The following SYT16 variants were observed in gnomAD, a reference collection of about 807,000 sequenced individuals.
SYT16 encodes the protein synaptotagmin-16.
In SYT16, 42 loss-of-function variants were observed where a neutral mutation model predicts 61.4. The ratio of observed to expected loss-of-function variants is 0.68; its 90% CI spans 0.53 to 0.89. The LOEUF (loss-of-function observed/expected upper bound fraction) is 0.89. Ranked by LOEUF, SYT16 falls within the 40% of genes least tolerant of loss-of-function variation. SYT16 has a pLI of 0.00. For synonymous variants in SYT16, 314 were observed against 302.3 expected, an observed-to-expected ratio of 1.04 and a Z score of -0.40; for missense variants, 804 against 807.3, an observed-to-expected ratio of 1.00 and a Z score of 0.05.
intron 1 of SYT16, among the ~76,000 whole-genome samples, chr14:61,866,001 A>T (rs1004053192): frequency 3.9e-5 from 6 of 152,216 alleles, no homozygotes; most frequent in African/African-American, 1.4e-4. Flanking sequence ...AATATTTCAG[A>T]TGATAGAATA....
intron 3 of SYT16, among the ~76,000 whole-genome samples, chr14:62,035,916 GC>G (rs2054489127): frequency 6.6e-6 from 1 of 152,116 alleles, no homozygotes; most frequent in African/African-American, 2.4e-5. Context: ...ATTAATTACT[GC>G]CTTCATTCAA....
intron 3 of SYT16, among the ~76,000 whole-genome samples, chr14:62,032,349 G>T (rs929129471): frequency 6.6e-6 from 1 of 151,910 alleles, no homozygotes; most frequent in Non-Finnish European, 1.5e-5. Context: ...TTCCTTTCTT[G>T]GTAAGATAAG....
At chr14:61,909,986 T>C (rs217634) in intron 1 of SYT16, among the ~76,000 whole-genome samples, 138,455 of 152,246 alleles carry the variant, frequency 0.91, 63,086 homozygotes, top group East Asian at 0.98. Context: ...AATACAGAGG[T>C]TGTTGCACAA....
chr14:62,018,663 A>G (rs1224106223), intron 3 of SYT16, among the ~76,000 whole-genome samples: 1 of 151,868 alleles, frequency 6.6e-6, no homozygotes, highest in Non-Finnish European at 1.5e-5. Context: ...TGTTTCCCCT[A>G]TCTGGAACAC....
intron 3 of SYT16, among the ~76,000 whole-genome samples, chr14:62,006,056 T>G (rs145911220): frequency 1.5e-4 from 23 of 152,252 alleles, no homozygotes; most frequent in African/African-American, 5.5e-4. Flanking sequence ...TTACTTCAAA[T>G]GCCTTTTAGC....
At chr14:61,878,022 G>A (rs1358795487) in intron 1 of SYT16, among the ~76,000 whole-genome samples, 2 of 152,038 alleles carry the variant, frequency 1.3e-5, no homozygotes, top group African/African-American at 4.8e-5. Flanking sequence ...TACCTGCCCT[G>A]GGCAAGGCCT....
At chr14:61,975,892 C>T (rs1293155878) in intron 2 of SYT16, among the ~76,000 whole-genome samples, 1 of 152,168 alleles carries the variant, frequency 6.6e-6, no homozygotes, top group Non-Finnish European at 1.5e-5. Context: ...TAATTCATTT[C>T]AGCATTAATT....
chr14:61,866,625 T>C (rs999740062), intron 1 of SYT16, among the ~76,000 whole-genome samples: 3 of 150,502 alleles, frequency 2.0e-5, no homozygotes, highest in Non-Finnish European at 3.0e-5. Context: ...GTTTGTCTTA[T>C]TATTGCATTA....
At chr14:61,857,315 A>G (rs2046807497) in intron 1 of SYT16, among the ~76,000 whole-genome samples, 1 of 152,166 alleles carries the variant, frequency 6.6e-6, no homozygotes, top group African/African-American at 2.4e-5. Context: ...TGTGGGAGAA[A>G]CCTTGAGGCT....
intron 1 of SYT16, among the ~76,000 whole-genome samples, chr14:61,922,806 T>G (rs139223665): frequency 6.6e-6 from 1 of 152,250 alleles, no homozygotes; most frequent in African/African-American, 2.4e-5. Context: ...TCCCACCACT[T>G]TGGGAGGCCA....
chr14:61,816,935 C>T (rs367824841), intron 1 of SYT16, among the ~76,000 whole-genome samples: 28 of 151,256 alleles, frequency 1.9e-4, no homozygotes, highest in African/African-American at 5.1e-4. Context: ...GGCGTGAACC[C>T]GGAAGGTGGA....
chr14:61,855,836 A>G (rs1199123332), intron 1 of SYT16, among the ~76,000 whole-genome samples: 3 of 152,236 alleles, frequency 2.0e-5, no homozygotes, highest in Non-Finnish European at 4.4e-5. Flanking sequence ...AATCCAACAG[A>G]CCCATGAAAG....
intron 1 of SYT16, among the ~76,000 whole-genome samples, chr14:61,864,241 A>G (rs775965072): frequency 2.6e-5 from 4 of 152,240 alleles, no homozygotes; most frequent in Non-Finnish European, 5.9e-5. Flanking sequence ...TTACAGGCTG[A>G]CGTTGTCCAA....
rs1281550975 is a variant in SYT16, at chr14:62,100,412, T to C, written c.1643T>C (p.Phe548Ser). The change falls in exon 8 of 8, where the codon TTT (phenylalanine) becomes TCT (serine). Residue 548 changes from phenylalanine (F) to serine (S), a missense_variant. Phe to Ser is a radical substitution (Grantham distance 155). Coordinates refer to ENST00000683842, the MANE Select transcript of SYT16 (RefSeq NM_001367656.1). ...GTCTTAGATACATATGGAAAACTCT[T>C]TCTCCTCAATTCTGTGGGTCAAGAG... ...NRAPDTYGKLFLLNSVGQEMS... is the reference protein window; with the variant it reads ...NRAPDTYGKLSLLNSVGQEMS... The C allele has an allele frequency of 3.0e-5, 48 of 1,608,010 alleles. No individual in the cohort carries two copies. The highest frequency in any genetic ancestry group is 3.5e-5 in the Non-Finnish European group (41 of 1,176,894).
At chr14:61,976,203 A>G (rs1173321365) in intron 2 of SYT16, among the ~76,000 whole-genome samples, 2 of 152,110 alleles carry the variant, frequency 1.3e-5, no homozygotes, top group Non-Finnish European at 2.9e-5. Context: ...TGGCAGCTCC[A>G]TTCCTGTGGC....
At chr14:62,035,527 T>C (rs1026850566) in intron 3 of SYT16, among the ~76,000 whole-genome samples, 8 of 152,162 alleles carry the variant, frequency 5.3e-5, no homozygotes, top group African/African-American at 1.9e-4. Flanking sequence ...ATATATCAAT[T>C]TCCAGGTTTA....
chr14:61,913,261 C>T (rs1417190925), intron 1 of SYT16, among the ~76,000 whole-genome samples: 1 of 152,034 alleles, frequency 6.6e-6, no homozygotes, highest in Non-Finnish European at 1.5e-5. Context: ...GCTGTAGTGC[C>T]CAGAACATAG....
intron 1 of SYT16, among the ~76,000 whole-genome samples, chr14:61,878,500 C>A (rs1171509318): frequency 3.9e-5 from 6 of 152,154 alleles, no homozygotes; most frequent in Admixed American, 3.3e-4. Context: ...TTCAGTTGTA[C>A]CCGGCCATGA....
At chr14:62,078,556 G>T (rs577934270) in intron 5 of SYT16, among the ~76,000 whole-genome samples, 5 of 152,340 alleles carry the variant, frequency 3.3e-5, no homozygotes, top group Non-Finnish European at 7.3e-5. Context: ...TGCTTTGGGA[G>T]TGCAACCCCA....
Sources: allele counts gnomAD v4.1 joint callset (sites outside exome capture counted in the v4.1 genomes callset), GRCh38; gene constraint gnomAD v4.1.1; transcripts MANE v1.5; gene names NCBI Gene and HGNC (gene_info 2026-07-23, HGNC 2026-07-21).